ARPP21: variants seen among roughly 807,000 people sequenced by gnomAD.
The protein encoded by ARPP21 is cAMP regulated phosphoprotein 21.
ARPP21 carries 69 observed loss-of-function variants against 113.2 expected under a neutral mutation model. The observed-to-expected ratio is 0.61, with a 90% CI of 0.50 to 0.74. The LOEUF (loss-of-function observed/expected upper bound fraction) is 0.74, where lower values mean the gene tolerates loss of function less well. ARPP21 is among the 30% of genes least tolerant of loss of function. The pLI, the probability that ARPP21 is intolerant of heterozygous loss-of-function variation, is 0.00. For missense variants in ARPP21, 1,070 were observed against 1,037.4 expected, an observed-to-expected ratio of 1.03 and a Z score of -0.43; for synonymous variants, 368 against 375.5, an observed-to-expected ratio of 0.98 and a Z score of 0.23.
intron 1 of ARPP21, among the ~76,000 whole-genome samples, chr3:35,642,874 A>G (rs1698648983): frequency 1.3e-5 from 2 of 152,126 alleles, no homozygotes; most frequent in African/African-American, 2.4e-5. Flanking sequence ...ACTTGATAGA[A>G]TATTTGGGGT....
At chr3:35,786,027 C>T (rs1303605029) in intron 19 of ARPP21, among the ~76,000 whole-genome samples, 1 of 152,088 alleles carries the variant, frequency 6.6e-6, no homozygotes, top group Non-Finnish European at 1.5e-5. Context: ...TCGTAATGAA[C>T]TTCAACAGCA....
chr3:35,672,612 T>G (rs2076603210), intron 1 of ARPP21, among the ~76,000 whole-genome samples: 1 of 152,010 alleles, frequency 6.6e-6, no homozygotes, highest in Non-Finnish European at 1.5e-5. Flanking sequence ...GCACTATTCT[T>G]AGTATTGGGG....
chr3:35,682,672 A>G (rs1263363634), intron 3 of ARPP21, among the ~76,000 whole-genome samples, 176 bp from the exon 4 acceptor site: 1 of 151,752 alleles, frequency 6.6e-6, no homozygotes, highest in Non-Finnish European at 1.5e-5. Context: ...AAAGCTAGGG[A>G]AGGAGGAGTC....
At position 35,794,190 on chromosome 3, in the gene ARPP21, C is replaced by T; in HGVS notation, c.*232C>T. The T allele has an allele frequency of 1.8e-6, 1 of 563,924 alleles. No homozygotes were observed. Among genetic ancestry groups the T allele is most frequent in the South Asian group, 2.2e-5 (1 of 44,836 alleles). 34.9% of individuals were successfully genotyped at this position (563,924 alleles called of 1,614,324 possible). A position where few individuals can be genotyped will look rare whatever the true frequency, so the allele number is the denominator to read the frequency against. ...TATAGCTTAGCTAGTGACATGAATT[C>T]ATCAAGGTAAGATTTTCTCCTACCA... On this transcript the variant is annotated 3_prime_UTR_variant, in exon 21 of 21. Coordinates refer to ENST00000684406, the MANE Select transcript of ARPP21 (RefSeq NM_001385562.1).
chr3:35,665,329 CT>C (rs1211687387), intron 1 of ARPP21, among the ~76,000 whole-genome samples: 1 of 151,614 alleles, frequency 6.6e-6, no homozygotes, highest in Non-Finnish European at 1.5e-5. Context: ...GCGGCCTAAG[CT>C]TTTTTTAATA....
At chr3:35,692,000 C>G (rs1196516676) in intron 9 of ARPP21, among the ~76,000 whole-genome samples, 2 of 151,486 alleles carry the variant, frequency 1.3e-5, no homozygotes, top group Non-Finnish European at 3.0e-5. Context: ...TTTCTCAACT[C>G]AAGCATCAGT....
intron 19 of ARPP21, among the ~76,000 whole-genome samples, chr3:35,752,121 T>G (rs931750335): frequency 6.6e-6 from 1 of 152,024 alleles, no homozygotes; most frequent in African/African-American, 2.4e-5. Flanking sequence ...ATAAATCAGG[T>G]TGCAATGAAC....
intron 13 of ARPP21, among the ~76,000 whole-genome samples, chr3:35,719,649 T>G (rs924731617): frequency 4.6e-5 from 7 of 152,108 alleles, no homozygotes; most frequent in African/African-American, 1.4e-4. Flanking sequence ...AGTTCATGGC[T>G]AAAGAGATTA....
intron 19 of ARPP21, among the ~76,000 whole-genome samples, chr3:35,754,740 G>C (rs1212482236): frequency 1.3e-5 from 2 of 151,886 alleles, no homozygotes; most frequent in African/African-American, 4.8e-5. Context: ...AAAGGAATTT[G>C]TTCAGCACAT....
chr3:35,743,700 A>G, intron 18 of ARPP21, 139 bp from the exon 19 acceptor site: 3 of 814,394 alleles, frequency 3.7e-6, no homozygotes, highest in South Asian at 3.2e-5. Context: ...TAGCATGCAC[A>G]TACACATAGG....
chr3:35,640,626 C>T (rs1262464967), intron 1 of ARPP21, among the ~76,000 whole-genome samples: 1 of 152,104 alleles, frequency 6.6e-6, no homozygotes, highest in Non-Finnish European at 1.5e-5. Flanking sequence ...AAATGGAAAG[C>T]TGGAAGTTGG....
intron 19 of ARPP21, among the ~76,000 whole-genome samples, chr3:35,758,820 AT>A (rs1479105785): frequency 6.6e-6 from 1 of 151,898 alleles, no homozygotes; most frequent in African/African-American, 2.4e-5. Context: ...TTTTCTATAT[AT>A]TTAAGTAAAG....
At chr3:35,671,149 GA>G (rs1182064092) in intron 1 of ARPP21, among the ~76,000 whole-genome samples, 11 of 152,074 alleles carry the variant, frequency 7.2e-5, no homozygotes, top group Non-Finnish European at 1.3e-4. Context: ...GACATCAGAT[GA>G]AAAACACTTC....
intron 19 of ARPP21, among the ~76,000 whole-genome samples, chr3:35,751,178 C>T (rs2095391865): frequency 6.6e-6 from 1 of 152,126 alleles, no homozygotes; most frequent in Admixed American, 6.5e-5. Context: ...ATTATAACTG[C>T]AGCAAATCAT....
At position 35,737,283 on chromosome 3, in the gene ARPP21, C is replaced by T. The variant is rs775729216; in HGVS notation, c.1565C>T (p.Pro522Leu). ...GTGGGGCAGTCCCAACAGCAGCCACCACAGCAGCAGCCCTCCCCGCAGCCC... is the reference window on the plus strand; with the variant it reads ...GTGGGGCAGTCCCAACAGCAGCCACTACAGCAGCAGCCCTCCCCGCAGCCC... ...AMVGQSQQQP[P>L]QQQPSPQPQQ... The change falls in exon 16 of 21, where the codon CCA becomes CTA. Residue 522 changes from proline (P) to leucine (L), a missense_variant. Coordinates refer to ENST00000684406, the MANE Select transcript of ARPP21 (RefSeq NM_001385562.1). 1 of 1,612,754 alleles carries T rather than the reference C, an allele frequency of 6.2e-7. No homozygotes were observed. Among genetic ancestry groups the T allele is most frequent in the Non-Finnish European group, 8.5e-7 (1 of 1,178,960 alleles).
At chr3:35,768,005 T>C (rs2096047966) in intron 19 of ARPP21, among the ~76,000 whole-genome samples, 1 of 151,840 alleles carries the variant, frequency 6.6e-6, no homozygotes, top group Admixed American at 6.6e-5. Flanking sequence ...ACAACTTCCT[T>C]GCTTGTCTGA....
intron 11 of ARPP21, among the ~76,000 whole-genome samples, chr3:35,710,860 A>G (rs2090910504): frequency 1.3e-5 from 2 of 152,164 alleles, no homozygotes; most frequent in Admixed American, 1.3e-4. Flanking sequence ...TTCTCTATAC[A>G]TTGCATTTCC....
intron 19 of ARPP21, among the ~76,000 whole-genome samples, chr3:35,748,435 GAAAGAAAGAAAGA>G (rs2095270125): frequency 7.4e-6 from 1 of 134,896 alleles, no homozygotes; most frequent in Non-Finnish European, 1.6e-5. Context: ...GAAAGAAAGA[GAAAGAAAGAAAGA>G]AAAGAAAGAA....
intron 15 of ARPP21, among the ~76,000 whole-genome samples, chr3:35,732,197 A>G (rs559009050): frequency 3.3e-5 from 5 of 152,258 alleles, no homozygotes; most frequent in Non-Finnish European, 5.9e-5. Context: ...ATACTAAGGT[A>G]TCTGCCAATC....
Sources: gnomAD v4.1 joint callset for allele counts (sites outside exome capture counted in the v4.1 genomes callset) on GRCh38, gnomAD v4.1.1 for gene constraint, MANE v1.5 for transcripts, NCBI Gene and HGNC (gene_info 2026-07-23, HGNC 2026-07-21) for gene names.